Variants in SPECC1 observed in about 807,000 individuals in gnomAD.
SPECC1 encodes the protein cytospin-B.
In SPECC1, 62 loss-of-function variants were observed where a neutral mutation model predicts 104.1. The observed-to-expected ratio is 0.60, with a 90% confidence interval of 0.49 to 0.74. SPECC1 has a LOEUF of 0.74. Among genes scored for constraint, SPECC1 ranks in the 30% least tolerant of loss-of-function variants. The pLI, the probability that SPECC1 is intolerant of heterozygous loss-of-function variation, is 0.00. For synonymous variants in SPECC1, 513 were observed against 501.6 expected, an observed-to-expected ratio of 1.02 and a Z score of -0.30; for missense variants, 1,306 against 1,310.5, an observed-to-expected ratio of 1.00 and a Z score of 0.05.
chr17:20,188,850 C>T (rs554170830), intron 3 of SPECC1, among the ~76,000 whole-genome samples: 3 of 152,236 alleles, frequency 2.0e-5, no homozygotes, highest in South Asian at 2.1e-4. Flanking sequence ...TTTGAAAAAA[C>T]AACTCCCACC....
chr17:20,294,885 A>G lies in SPECC1; in HGVS notation c.2941-2076A>G, dbSNP rs376378110. On this transcript the variant is annotated intron_variant, in intron 12 of 14. Transcript: ENST00000395527. ...TTTGAGCACTGAAGGCTTTTCCTCA[A>G]TACTATTCTGTGAATGGATTTGGGC... is the stretch of plus-strand genomic sequence containing the variant. Among the ~76,000 whole-genome samples, 81 of 152,292 alleles carry G rather than the reference A, an allele frequency of 5.3e-4. No homozygotes were observed. The South Asian group carries it at 0.013, about 25-fold the overall frequency.
At chr17:20,281,934 C>T (rs1598135608) in intron 12 of SPECC1, among the ~76,000 whole-genome samples, 1 of 152,160 alleles carries the variant, frequency 6.6e-6, no homozygotes, top group Non-Finnish European at 1.5e-5. Context: ...CTCAGGACGC[C>T]AAGGAAGAAC....
At chr17:20,236,405 C>T (rs997997433) in intron 7 of SPECC1, among the ~76,000 whole-genome samples, 4 of 152,194 alleles carry the variant, frequency 2.6e-5, no homozygotes, top group Non-Finnish European at 5.9e-5. Context: ...GTGTCTGCCT[C>T]CCTGTTCTCT....
intron 13 of SPECC1, among the ~76,000 whole-genome samples, chr17:20,305,074 G>C (rs1425844813): frequency 6.6e-6 from 1 of 152,118 alleles, no homozygotes. Flanking sequence ...GAGTAACAGA[G>C]GAACTCCTTT....
chr17:20,091,757 C>T (rs1400223749), intron 1 of SPECC1, among the ~76,000 whole-genome samples: 2 of 152,176 alleles, frequency 1.3e-5, no homozygotes, highest in Non-Finnish European at 2.9e-5. Context: ...AATGGTTTGG[C>T]CTCTTCCGCT....
intron 12 of SPECC1, among the ~76,000 whole-genome samples, chr17:20,262,654 C>T (rs945060027): frequency 1.3e-5 from 2 of 152,066 alleles, no homozygotes; most frequent in African/African-American, 2.4e-5. Flanking sequence ...ATTCCAGCAC[C>T]GTAATACTCC....
chr17:20,131,631 GTCT>G (rs1275572884), intron 3 of SPECC1, among the ~76,000 whole-genome samples: 84 of 147,126 alleles, frequency 5.7e-4, no homozygotes, highest in African/African-American at 1.7e-3. Context: ...AAAGCATTCA[GTCT>G]TCTTCTTTTT....
At chr17:20,166,399 A>G (rs1362840639) in intron 3 of SPECC1, among the ~76,000 whole-genome samples, 1 of 152,182 alleles carries the variant, frequency 6.6e-6, no homozygotes, top group Non-Finnish European at 1.5e-5. Context: ...TTTACTGGTC[A>G]CTCTGTGATC....
At chr17:20,298,841 A>G (rs988582827) in intron 13 of SPECC1, among the ~76,000 whole-genome samples, 10 of 151,802 alleles carry the variant, frequency 6.6e-5, no homozygotes, top group African/African-American at 2.4e-4. Flanking sequence ...AAGTACAAAG[A>G]AGGATCATAG....
chr17:20,274,462 A>C (rs1465068446), intron 12 of SPECC1, among the ~76,000 whole-genome samples: 1 of 151,568 alleles, frequency 6.6e-6, no homozygotes, highest in Non-Finnish European at 1.5e-5. Context: ...TTTCTAGGTA[A>C]ACTATTACAC....
chr17:20,197,472 C>T (rs572046204), intron 3 of SPECC1, among the ~76,000 whole-genome samples: 1 of 150,818 alleles, frequency 6.6e-6, no homozygotes, highest in East Asian at 2.0e-4. Context: ...TGTGAAAGTG[C>T]AAAACCCTGG....
chr17:20,210,320 G>A (rs564573160), intron 4 of SPECC1, among the ~76,000 whole-genome samples: 1 of 152,204 alleles, frequency 6.6e-6, no homozygotes, highest in Admixed American at 6.5e-5. Flanking sequence ...CCTCCACCCC[G>A]GCCCCAAGGG....
intron 12 of SPECC1, among the ~76,000 whole-genome samples, chr17:20,280,568 C>T (rs1469701393): frequency 6.6e-6 from 1 of 152,248 alleles, no homozygotes; most frequent in East Asian, 1.9e-4. Flanking sequence ...TGCATAAGTG[C>T]AAGACAGCAC....
intron 2 of SPECC1, among the ~76,000 whole-genome samples, chr17:20,098,198 C>G (rs193143624): frequency 6.6e-6 from 1 of 152,146 alleles, no homozygotes; most frequent in Non-Finnish European, 1.5e-5. Context: ...ATCCCCTAAC[C>G]TGCTCCCCCA....
intron 1 of SPECC1, among the ~76,000 whole-genome samples, chr17:20,051,068 T>TTTTCTTCCTTTC (rs2045727201): frequency 3.3e-5 from 3 of 90,696 alleles, no homozygotes; most frequent in African/African-American, 8.6e-5. Context: ...CTTTCTTTCT[T>TTTTCTTCCTTTC]TTTCTTTCTT....
intron 1 of SPECC1, among the ~76,000 whole-genome samples, chr17:20,013,325 G>A (rs1216638588): frequency 6.6e-6 from 1 of 152,168 alleles, no homozygotes; most frequent in African/African-American, 2.4e-5. Context: ...CACCAGCAAT[G>A]CGTGAGAATT....
chr17:20,297,804 G>T (rs576554472), intron 13 of SPECC1, among the ~76,000 whole-genome samples: 2 of 152,164 alleles, frequency 1.3e-5, no homozygotes, highest in Non-Finnish European at 2.9e-5. Context: ...AAAATACTGT[G>T]CTGGGTCCCG....
Position 20,194,728 on chromosome 17 carries a change from TCTC to T in SPECC1, c.284-9602_284-9600del, listed in dbSNP as rs147177200. Among the ~76,000 whole-genome samples, 658 of 151,842 alleles carry T rather than the reference TCTC, an allele frequency of 4.3e-3. 4 individuals carry two copies. The highest frequency in any genetic ancestry group is 0.015 in the African/African-American group (618 of 41,382). On this transcript the variant is annotated intron_variant, in intron 3 of 14. Transcript: ENST00000395527. Reference sequence around the variant, plus strand: ...ACCATGTTGGCTAGGATGGTCTCGATCTCCTGACCACGAGACCCACCCGCCTCG... The same window carrying T: ...ACCATGTTGGCTAGGATGGTCTCGATCTGACCACGAGACCCACCCGCCTCG...
At chr17:20,010,089 A>G (rs902952990) in intron 1 of SPECC1, 14 of 150,876 alleles carry the variant, frequency 9.3e-5, no homozygotes, top group African/African-American at 3.2e-4. Context: ...GGGCGTGCGG[A>G]AGTAACGACC....
Sources: gnomAD v4.1 joint callset for allele counts (sites outside exome capture counted in the v4.1 genomes callset) on GRCh38, gnomAD v4.1.1 for gene constraint, MANE v1.5 for transcripts, NCBI Gene and HGNC (gene_info 2026-07-23, HGNC 2026-07-21) for gene names.